The following SCN1A variants were observed in gnomAD, a reference collection of about 807,000 sequenced individuals.
SCN1A encodes sodium voltage-gated channel alpha subunit 1, also known as sodium channel protein type 1 subunit alpha.
Under a neutral mutation model 193.7 loss-of-function variants are expected in SCN1A, and 13 were observed. The ratio of observed to expected loss-of-function variants is 0.07; its 90% CI spans 0.04 to 0.11. The LOEUF is 0.11. Ranked by LOEUF, SCN1A falls within the 10% of genes least tolerant of loss-of-function variation. The pLI is 1.00. For synonymous variants in SCN1A, 781 were observed against 843.6 expected (o/e 0.93, Z 1.29); for missense variants, 1,432 against 2,451.1 (o/e 0.58, Z 8.78).
chr2:166,128,843 G>A (rs1574632026), upstream of SCN1A, among the ~76,000 whole-genome samples: 1 of 152,136 alleles, frequency 6.6e-6, no homozygotes, highest in East Asian at 1.9e-4. Context: ...TTTTTTCTAA[G>A]ACAATAAAAA....
At chr2:166,028,056 A>C (rs1290779495) in intron 19 of SCN1A, among the ~76,000 whole-genome samples, 2 of 152,168 alleles carry the variant, frequency 1.3e-5, no homozygotes, top group African/African-American at 4.8e-5. Flanking sequence ...ACAGAATGTC[A>C]GTTGTTTCTA....
At position 166,002,514 on chromosome 2, in the gene SCN1A, G is replaced by A; in HGVS notation, c.4242C>T (p.Asn1414=). The A allele has an allele frequency of 6.2e-7, 1 of 1,611,396 alleles. No homozygotes were observed. The highest frequency in any genetic ancestry group is 8.5e-7 in the Non-Finnish European group (1 of 1,178,472). The change falls in exon 24 of 29, where the codon AAC becomes AAT. Residue 1414 remains asparagine, a synonymous_variant. Coordinates refer to ENST00000674923, the MANE Select transcript of SCN1A (RefSeq NM_001165963.4). ...ETARWKNVKV[N]FDNVGFGYLS... is the part of the protein sequence containing the mutation. The stretch of plus-strand genomic sequence containing the variant: ...GATACCCAAATCCTACATTATCAAA[G>A]TTTACTTTCACATTTTTCCATCGAG...
intron 19 of SCN1A, 114 bp from the exon 20 acceptor site, chr2:166,015,841 T>A (rs953288216): frequency 5.1e-6 from 6 of 1,183,328 alleles, no homozygotes; most frequent in Non-Finnish European, 7.4e-6. Flanking sequence ...GGTAGAGATA[T>A]TTTTAGAGAA....
At chr2:166,114,919 G>GA (rs1162438976) in intron 2 of SCN1A, among the ~76,000 whole-genome samples, 1 of 152,054 alleles carries the variant, frequency 6.6e-6, no homozygotes, top group Admixed American at 6.6e-5. Flanking sequence ...TTATTGTGGG[G>GA]AAAATCACAT....
chr2:166,038,070 G>A lies in SCN1A; in HGVS notation c.2652C>T (p.Gly884=). 1 of 1,614,166 alleles carries A rather than the reference G, an allele frequency of 6.2e-7. No homozygotes were observed. The highest frequency in any genetic ancestry group is 8.5e-7 in the Non-Finnish European group (1 of 1,179,998). ...AATTTCCCAGAGCCCCCACGGAATT[G>A]CCGATGATCTTTATTAGCATATTTA... ...PTLNMLIKII[G]NSVGALGNLT... The change falls in exon 18 of 29, where the codon GGC becomes GGT. Residue 884 remains glycine (G), a synonymous_variant. Coordinates refer to ENST00000674923, the MANE Select transcript of SCN1A (RefSeq NM_001165963.4).
In SCN1A at chr2:165,991,502, C is replaced by T. The variant is rs761690089; in HGVS notation, c.5773G>A (p.Ala1925Thr). The change falls in exon 29 of 29, where the codon GCT becomes ACT. Residue 1925 changes from alanine (A) to threonine (T), a missense_variant. Physicochemically the swap from Ala to Thr is moderately conservative, Grantham distance 58. Around this residue, in one of 18 missense-constraint regions of SCN1A, gnomAD observed 148 missense variants for 160.3 expected, o/e 0.92. Transcript: ENST00000674923. ...EEVSAVIIQRAYRRHLLKRTV... is the reference protein window; with the variant it reads ...EEVSAVIIQRTYRRHLLKRTV... ...CGCTTTAAAAGGTGGCGTCTGTAAG[C>T]ACGCTGAATAATGACAGCAGATACT... 4 of 1,613,932 alleles carry T rather than the reference C, an allele frequency of 2.5e-6. No homozygotes were observed. The highest frequency in any genetic ancestry group is 2.5e-6 in the Non-Finnish European group (3 of 1,179,912).
chr2:166,139,326 C>CTCCCA (rs1317932481), intron 1 of SCN1A, among the ~76,000 whole-genome samples: 1 of 151,786 alleles, frequency 6.6e-6, no homozygotes, highest in African/African-American at 2.4e-5. Flanking sequence ...TGAATTGTAA[C>CTCCCA]TCCCACCATT....
chr2:166,073,122 G>A (rs984292215), intron 4 of SCN1A, among the ~76,000 whole-genome samples: 1 of 152,098 alleles, frequency 6.6e-6, no homozygotes, highest in Non-Finnish European at 1.5e-5. Context: ...ACAGGCTTGA[G>A]CCACCGCACC....
At chr2:166,090,138 C>T (rs34209912) in intron 2 of SCN1A, among the ~76,000 whole-genome samples, 6 of 150,138 alleles carry the variant, frequency 4.0e-5, no homozygotes, top group Admixed American at 1.3e-4. Flanking sequence ...CTTCTGGCCC[C>T]GAGTGATACT....
In SCN1A at chr2:165,991,386, T is replaced by A. The variant is rs775083850; in HGVS notation, c.5889A>T (p.Arg1963Ser). 2.5e-6 allele frequency: 4 copies of A among 1,613,482 alleles called. No individual in the cohort carries two copies. The highest frequency in any genetic ancestry group is 3.4e-6 in the Non-Finnish European group (4 of 1,179,814). ...LLIKEDMIID[R>S]INENSITEKT... ...TTTCTGTAATAGAGTTTTCATTTAT[T>A]CTGTCAATTATCATGTCTTCTTTTA... Residue 1963 changes from arginine to serine, a missense_variant, in exon 29 of 29, where the codon AGA becomes AGT. Around this residue, in one of 18 missense-constraint regions of SCN1A, gnomAD observed 148 missense variants for 160.3 expected, o/e 0.92. Coordinates refer to ENST00000674923, the MANE Select transcript of SCN1A (RefSeq NM_001165963.4).
chr2:166,069,682 G>A (rs1224256447), intron 4 of SCN1A, among the ~76,000 whole-genome samples: 1 of 152,096 alleles, frequency 6.6e-6, no homozygotes, highest in Non-Finnish European at 1.5e-5. Context: ...GGCTTGTTTT[G>A]TCTATTCCAT....
In SCN1A at chr2:166,144,888, G is replaced by C. The variant is rs113544327; in HGVS notation, c.-50+4159C>G. 2.8e-3 allele frequency among the ~76,000 whole-genome samples: 415 copies of C among 148,324 alleles called. 2 individuals carry two copies. Among genetic ancestry groups the C allele is most frequent in the African/African-American group, 9.9e-3 (398 of 40,302 alleles). On this transcript the variant is annotated intron_variant, in intron 1 of 26. Coordinates refer to the SCN1A transcript ENST00000635750. ...TTTTTTTGAGACAGAGTCTCACTCT[G>C]TCGCCCAGGCTAGAGTGCAGTGGCG...
chr2:166,045,169 C>T lies in SCN1A; in HGVS notation c.1536G>A (p.Gly512=), dbSNP rs1697656312. Residue 512 remains glycine, a synonymous_variant, in exon 13 of 29, where the codon GGG becomes GGA. Transcript: ENST00000674923. Reference sequence around the variant, plus strand: ...GGAATTCATCCTCATCTTTCTCTTCCCCACCAGACTGCTCTTTCTGTTTTC... The same window carrying T: ...GGAATTCATCCTCATCTTTCTCTTCTCCACCAGACTGCTCTTTCTGTTTTC... ...KKRKQKEQSG[G]EEKDEDEFQK... The T allele has an allele frequency of 6.2e-7, 1 of 1,613,930 alleles. No homozygotes were observed. The highest frequency in any genetic ancestry group is 1.7e-5 in the Admixed American group (1 of 59,986).
intron 2 of SCN1A, among the ~76,000 whole-genome samples, chr2:166,111,075 A>G (rs1689243925): frequency 6.6e-6 from 1 of 152,108 alleles, no homozygotes; most frequent in African/African-American, 2.4e-5. Context: ...GTGAGAACAG[A>G]CTAATACAAT....
intron 19 of SCN1A, among the ~76,000 whole-genome samples, chr2:166,019,972 G>A (rs536302145): frequency 7.3e-5 from 11 of 149,976 alleles, no homozygotes; most frequent in African/African-American, 2.7e-4. Flanking sequence ...GTGCAGTGGC[G>A]CGATCTCGGC....
At chr2:166,022,598 G>A (rs961690055) in intron 19 of SCN1A, among the ~76,000 whole-genome samples, 4 of 152,116 alleles carry the variant, frequency 2.6e-5, no homozygotes, top group African/African-American at 7.2e-5. Context: ...GGCCACTGTT[G>A]TCATGCCCTT....
At chr2:165,998,973 A>G (rs552128218) in intron 25 of SCN1A, 1 of 151,628 alleles carries the variant, frequency 6.6e-6, no homozygotes, top group South Asian at 2.1e-4. Flanking sequence ...GACAGAGGTT[A>G]TTCTTTATGA....
intron 4 of SCN1A, among the ~76,000 whole-genome samples, chr2:166,072,806 T>C (rs1684569682): frequency 6.7e-6 from 1 of 148,344 alleles, no homozygotes; most frequent in African/African-American, 2.6e-5. Flanking sequence ...CCTTCCTTCC[T>C]TCCTTCCTTC....
chr2:166,102,166 T>C (rs1688152941), intron 2 of SCN1A, among the ~76,000 whole-genome samples: 1 of 152,052 alleles, frequency 6.6e-6, no homozygotes, highest in Non-Finnish European at 1.5e-5. Flanking sequence ...AAAACCACAA[T>C]GAGATACCAT....
Sources: allele counts gnomAD v4.1 joint callset (sites outside exome capture counted in the v4.1 genomes callset), GRCh38; gene constraint gnomAD v4.1.1; regional missense constraint gnomAD v4.1.1; transcripts MANE v1.5; gene names NCBI Gene and HGNC (gene_info 2026-07-23, HGNC 2026-07-21).